The following EPC1 variants were observed in gnomAD, a reference collection of about 807,000 sequenced individuals.
The protein encoded by EPC1 is enhancer of polycomb 1.
In EPC1, 12 loss-of-function variants were observed where a neutral mutation model predicts 98.4. That is an observed-to-expected ratio of 0.12 (90% CI 0.08 to 0.20). The LOEUF (loss-of-function observed/expected upper bound fraction) is 0.20, where lower values mean the gene tolerates loss of function less well. Among genes scored for constraint, EPC1 ranks in the 10% least tolerant of loss-of-function variants. EPC1 has a pLI of 1.00. For missense variants in EPC1, 729 were observed against 990.5 expected, an observed-to-expected ratio of 0.74 and a Z score of 3.54; for synonymous variants, 357 against 363.9, an observed-to-expected ratio of 0.98 and a Z score of 0.21.
intron 13 of EPC1, among the ~76,000 whole-genome samples, chr10:32,270,154 A>T (rs1835769309): frequency 6.6e-6 from 1 of 152,178 alleles, no homozygotes; most frequent in Non-Finnish European, 1.5e-5. Context: ...ATTGGATCTG[A>T]TCTTATTTTG....
chr10:32,342,506 T>C (rs182488335), intron 1 of EPC1, among the ~76,000 whole-genome samples: 46 of 152,316 alleles, frequency 3.0e-4, no homozygotes, highest in Admixed American at 3.0e-3. Context: ...ACAATGTATA[T>C]TGTGCCAGTA....
intron 1 of EPC1, among the ~76,000 whole-genome samples, chr10:32,316,618 A>G (rs980124637): frequency 6.6e-6 from 1 of 152,252 alleles, no homozygotes; most frequent in Non-Finnish European, 1.5e-5. Flanking sequence ...TATGACAGAA[A>G]AAAATATCAT....
intron 2 of EPC1, among the ~76,000 whole-genome samples, 160 bp from the exon 3 acceptor site, chr10:32,293,897 C>T (rs1334870306): frequency 2.0e-5 from 3 of 152,130 alleles, no homozygotes; most frequent in Non-Finnish European, 4.4e-5. Flanking sequence ...TTAGATTTGT[C>T]TTACACATTT....
rs547798987 is a variant in EPC1 at position 32,278,289 on chromosome 10, G to A, written c.1745-5008C>T. Among the ~76,000 whole-genome samples the A allele has an allele frequency of 4.7e-4, 71 of 151,478 alleles. 2 individuals are homozygous for A. In the South Asian group the frequency reaches 0.014, roughly 31 times the overall value. ...ACTCCTGCCCTCAAGTGATCCACCTGCCTTGGCCTCCCAAAGTGCTGGGAT... is the reference window on the plus strand; with the variant it reads ...ACTCCTGCCCTCAAGTGATCCACCTACCTTGGCCTCCCAAAGTGCTGGGAT... On this transcript the variant is annotated intron_variant, in intron 10 of 13. Transcript: ENST00000319778.
At chr10:32,345,936 T>C (rs754580055) in intron 1 of EPC1, among the ~76,000 whole-genome samples, 4 of 152,158 alleles carry the variant, frequency 2.6e-5, no homozygotes, top group Non-Finnish European at 5.9e-5. Context: ...TAGGTAAGGT[T>C]ACAGGCTTCA....
rs1423664820 is a variant in EPC1 at position 32,286,711 on chromosome 10, C to T, written c.1374G>A (p.Arg458=). Residue 458 remains arginine (R), a synonymous_variant, in exon 9 of 14, where the codon CGG becomes CGA. Transcript: ENST00000319778. ...PQRCIGFARR[R]VGRGGRVLLD... ...TACCTTACCTTCCACCGCGCCCAAC[C>T]CGTCTTCGTGCAAATCCAATACACC... 1.2e-6 allele frequency: 2 copies of T among 1,614,010 alleles called. No homozygotes were observed. The highest frequency in any genetic ancestry group is 1.7e-5 in the Admixed American group (1 of 59,988).
intron 1 of EPC1, among the ~76,000 whole-genome samples, chr10:32,322,535 T>G (rs1271869426): frequency 6.6e-6 from 1 of 152,238 alleles, no homozygotes; most frequent in African/African-American, 2.4e-5. Context: ...GCACTGTTCT[T>G]CTATCAAAAA....
upstream of EPC1, among the ~76,000 whole-genome samples, chr10:32,349,694 T>C (rs1031614074): frequency 5.9e-5 from 9 of 152,212 alleles, no homozygotes; most frequent in Non-Finnish European, 1.0e-4. Context: ...CTTGAACTCC[T>C]GGGCTCAAGT....
chr10:32,342,449 C>T (rs542347543), intron 1 of EPC1, among the ~76,000 whole-genome samples: 35 of 152,236 alleles, frequency 2.3e-4, no homozygotes, highest in Admixed American at 4.6e-4. Context: ...TAAAAACAAA[C>T]AACTCCCATC....
At chr10:32,370,131 C>G (rs1839706331) in intron 1 of EPC1, among the ~76,000 whole-genome samples, 3 of 152,302 alleles carry the variant, frequency 2.0e-5, no homozygotes, top group Non-Finnish European at 4.4e-5. Context: ...AAGACCCACT[C>G]TGAAGGGCAT....
At chr10:32,302,642 T>A (rs1592571939) in intron 2 of EPC1, among the ~76,000 whole-genome samples, 1 of 71,168 alleles carries the variant, frequency 1.4e-5, no homozygotes. Flanking sequence ...AGAGTGAGAC[T>A]CCATCTCAAA....
At chr10:32,284,424 C>A in intron 10 of EPC1, 1 of 293,326 alleles carries the variant, frequency 3.4e-6, no homozygotes, top group Non-Finnish European at 6.3e-6. Context: ...TATGATAAAT[C>A]TTGTGGTTCA....
chr10:32,272,214 A>C lies in EPC1; in HGVS notation c.1864-47T>G, dbSNP rs143479269. The C allele has an allele frequency of 4.8e-3, 7,208 of 1,496,268 alleles. 30 individuals are homozygous for C. Among genetic ancestry groups the C allele is most frequent in the Non-Finnish European group, 5.9e-3 (6,568 of 1,112,650 alleles). 92.7% of individuals were successfully genotyped at this position (1,496,268 alleles called of 1,614,324 possible). ...AATCTAATCAGTATCACTTAGTATC[A>C]AATCAATATCAAAACTACACATGCA... On this transcript the variant is annotated intron_variant, in intron 11 of 13. Coordinates refer to ENST00000319778, the MANE Select transcript of EPC1 (RefSeq NM_001272004.3).
chr10:32,375,403 C>G (rs951076014), intron 1 of EPC1, among the ~76,000 whole-genome samples: 1 of 152,020 alleles, frequency 6.6e-6, no homozygotes, highest in South Asian at 2.1e-4. Flanking sequence ...TTTGGCTAAC[C>G]TGAAACTTCC....
chr10:32,378,487 T>C, intron 1 of EPC1: 1 of 1,547,260 alleles, frequency 6.5e-7, no homozygotes, highest in Admixed American at 2.0e-5. Context: ...AATTACAAAC[T>C]TACCATTAGT....
intron 1 of EPC1, among the ~76,000 whole-genome samples, chr10:32,355,948 A>T (rs115700031): frequency 0.026 from 3,907 of 152,296 alleles, 172 homozygotes; most frequent in African/African-American, 0.09. Flanking sequence ...CTACTTAAGC[A>T]TTAGTTTTAC....
chr10:32,367,332 G>A (rs982790185), intron 1 of EPC1, among the ~76,000 whole-genome samples: 2 of 152,114 alleles, frequency 1.3e-5, no homozygotes, highest in South Asian at 2.1e-4. Flanking sequence ...ATGAGCCACC[G>A]TCCCCGGCCC....
intron 1 of EPC1, among the ~76,000 whole-genome samples, chr10:32,359,164 A>G (rs1839369031): frequency 6.6e-6 from 1 of 152,218 alleles, no homozygotes; most frequent in Admixed American, 6.5e-5. Context: ...TTTCCAATCA[A>G]GTTATCCATC....
At chr10:32,360,805 A>G (rs778135113) in intron 1 of EPC1, among the ~76,000 whole-genome samples, 1 of 151,872 alleles carries the variant, frequency 6.6e-6, no homozygotes, top group Non-Finnish European at 1.5e-5. Flanking sequence ...GAGGCAGGAG[A>G]ATTGCTTGAA....
Sources: allele counts gnomAD v4.1 joint callset (sites outside exome capture counted in the v4.1 genomes callset), GRCh38; gene constraint gnomAD v4.1.1; transcripts MANE v1.5; gene names NCBI Gene and HGNC (gene_info 2026-07-23, HGNC 2026-07-21).